SFSWAP: variants seen among roughly 807,000 people sequenced by gnomAD.
SFSWAP encodes the protein splicing factor, suppressor of white-apricot homolog.
A neutral mutation model predicts 100.7 loss-of-function variants in SFSWAP; 17 were observed. That is an observed-to-expected ratio of 0.17 (90% CI 0.12 to 0.25). SFSWAP has a LOEUF of 0.25. SFSWAP is among the 10% of genes least tolerant of loss of function. SFSWAP has a pLI of 1.00. For synonymous variants in SFSWAP, 504 were observed against 510.1 expected, an observed-to-expected ratio of 0.99 and a Z score of 0.16; for missense variants, 1,005 against 1,262.6, an observed-to-expected ratio of 0.80 and a Z score of 3.09.
chr12:131,786,662 C>T lies in SFSWAP; in HGVS notation c.2534+74C>T, dbSNP rs966992540. On this transcript the variant is annotated intron_variant, in intron 15 of 17. Coordinates refer to ENST00000261674, the MANE Select transcript of SFSWAP (RefSeq NM_004592.4). ...CTGGGTGGAAAGGGCGTCTGAAGGT[C>T]GGGTATCTGTGAGCAGAGCTGTGGA... 27 of 1,482,934 alleles carry T rather than the reference C, an allele frequency of 1.8e-5. No individual in the cohort carries two copies. In the African/African-American group the frequency reaches 3.6e-4, roughly 20 times the overall value. The allele number at this position is 1,482,934 out of a possible 1,614,324, so 91.9% of individuals were successfully genotyped here. A position where few individuals can be genotyped will look rare whatever the true frequency, so the allele number is the denominator to read the frequency against.
chr12:131,739,244 T>C (rs992134668), intron 7 of SFSWAP, among the ~76,000 whole-genome samples: 7 of 152,138 alleles, frequency 4.6e-5, no homozygotes, highest in Admixed American at 2.6e-4. Context: ...TCTTAGAAAA[T>C]AAACAGCTAG....
In SFSWAP at chr12:131,797,329, G is replaced by C. The variant is rs757283449; in HGVS notation, c.2686G>C (p.Glu896Gln). ...SAHSASVSPV[E>Q]SRGSSQERSR... The stretch of plus-strand genomic sequence containing the variant: ...GCACTCAGCCAGCGTCTCCCCTGTG[G>C]AGAGTCGGGGCTCCAGCCAGGAGCG... The change falls in exon 16 of 18, where the codon GAG becomes CAG. Residue 896 changes from glutamate (E) to glutamine (Q), a missense_variant. Glu to Gln is a conservative substitution (Grantham distance 29). Around this residue, in one of 7 missense-constraint regions of SFSWAP, gnomAD observed 295 missense variants for 347.9 expected, o/e 0.85. Coordinates refer to ENST00000261674, the MANE Select transcript of SFSWAP (RefSeq NM_004592.4). The C allele has an allele frequency of 3.1e-6, 5 of 1,610,460 alleles. No homozygotes were observed. In the Admixed American group the frequency reaches 8.4e-5, roughly 27 times the overall value.
chr12:131,788,741 A>G (rs1417351303), intron 15 of SFSWAP, among the ~76,000 whole-genome samples: 3 of 151,856 alleles, frequency 2.0e-5, no homozygotes, highest in Admixed American at 6.6e-5. Context: ...TCAACCTCCA[A>G]AAGTACTGGG....
Position 131,799,615 on chromosome 12 carries a change from G to T in SFSWAP, c.*127G>T. 2.9e-6 allele frequency: 2 copies of T among 688,806 alleles called. No individual in the cohort carries two copies. Among genetic ancestry groups the T allele is most frequent in the Non-Finnish European group, 2.5e-6 (1 of 403,130 alleles). 42.7% of individuals were successfully genotyped at this position (688,806 alleles called of 1,614,324 possible). ...TGGTGGCTTTTGTAAATTAATTTTT[G>T]ATGACATTTTGAGTTTTAAGATTTC... is the stretch of plus-strand genomic sequence containing the variant. On this transcript the variant is annotated 3_prime_UTR_variant, in exon 18 of 18. Coordinates refer to ENST00000261674, the MANE Select transcript of SFSWAP (RefSeq NM_004592.4).
chr12:131,726,334 C>T (rs1343905413), intron 5 of SFSWAP, among the ~76,000 whole-genome samples: 3 of 152,138 alleles, frequency 2.0e-5, no homozygotes, highest in Non-Finnish European at 4.4e-5. Flanking sequence ...CTCAGCCTCC[C>T]GAGTAGCTGG....
Position 131,756,660 on chromosome 12 carries a change from C to T in SFSWAP, c.1720+16C>T, listed in dbSNP as rs550998477. ...CTGGTGAAAGGTATGCTGCCACTTGCATGTTGGCCTTGCACATTCCACCAT... is the reference window on the plus strand; with the variant it reads ...CTGGTGAAAGGTATGCTGCCACTTGTATGTTGGCCTTGCACATTCCACCAT... On this transcript the variant is annotated intron_variant, in intron 11 of 17. Coordinates refer to ENST00000261674, the MANE Select transcript of SFSWAP (RefSeq NM_004592.4). 22 of 1,566,494 alleles carry T rather than the reference C, an allele frequency of 1.4e-5. No individual in the cohort carries two copies. The highest frequency in any genetic ancestry group is 1.9e-5 in the Admixed American group (1 of 53,510).
intron 7 of SFSWAP, among the ~76,000 whole-genome samples, chr12:131,747,444 A>G (rs1203514457): frequency 6.6e-6 from 1 of 152,232 alleles, no homozygotes; most frequent in Non-Finnish European, 1.5e-5. Flanking sequence ...TGGGACAGCA[A>G]TGGGACATGA....
At chr12:131,755,643 G>A (rs1236311373) in intron 10 of SFSWAP, among the ~76,000 whole-genome samples, 164 bp downstream of exon 10, 1 of 152,050 alleles carries the variant, frequency 6.6e-6, no homozygotes, top group Non-Finnish European at 1.5e-5. Flanking sequence ...GTCCCCCTTA[G>A]CTCTGGAACC....
Position 131,747,646 on chromosome 12 carries a change from A to G in SFSWAP, c.1082-5477A>G, listed in dbSNP as rs529588594. ...GCAGGAGGTGCTGCAGCTGGAGGGCAGGACTCAGAGCTGAATCATCGGGCG... is the reference window on the plus strand; with the variant it reads ...GCAGGAGGTGCTGCAGCTGGAGGGCGGGACTCAGAGCTGAATCATCGGGCG... On this transcript the variant is annotated intron_variant, in intron 7 of 17. Transcript: ENST00000261674. Among the ~76,000 whole-genome samples, 5 of 152,320 alleles carry G rather than the reference A, an allele frequency of 3.3e-5. No individual in the cohort carries two copies. The South Asian group carries it at 8.3e-4, about 25-fold the overall frequency.
chr12:131,720,846 T>C (rs1878407131), intron 4 of SFSWAP, among the ~76,000 whole-genome samples: 1 of 152,230 alleles, frequency 6.6e-6, no homozygotes. Context: ...AAATAACTTT[T>C]TGGATTTTGC....
rs559080586 is a variant in SFSWAP at position 131,776,978 on chromosome 12, G to A, written c.2143-1087G>A. ...GATTCATATGCTCTTCTGTATGTAT[G>A]TAACACTCAGATGGAGAGGTTTTAA... On this transcript the variant is annotated intron_variant, in intron 13 of 17. Transcript: ENST00000261674. 5.9e-5 allele frequency among the ~76,000 whole-genome samples: 9 copies of A among 152,268 alleles called. No homozygotes were observed. The South Asian group carries it at 1.7e-3, about 28-fold the overall frequency.
At chr12:131,716,230 C>T (rs1877901695) in intron 3 of SFSWAP, among the ~76,000 whole-genome samples, 1 of 152,158 alleles carries the variant, frequency 6.6e-6, no homozygotes, top group Non-Finnish European at 1.5e-5. Flanking sequence ...ATTACTGTTG[C>T]ACAGCTCTAT....
At position 131,786,595 on chromosome 12, in the gene SFSWAP, C is replaced by A; in HGVS notation, c.2534+7C>A. 6.3e-7 allele frequency: 1 copy of A among 1,588,324 alleles called. No individual in the cohort carries two copies. Among genetic ancestry groups the A allele is most frequent in the East Asian group, 2.3e-5 (1 of 43,998 alleles). ...GGAAGCGGACCCGCTCCAGGTAGGCCACTGGGTGTGCACGCAGGTGCTGGA... is the reference window on the plus strand; with the variant it reads ...GGAAGCGGACCCGCTCCAGGTAGGCAACTGGGTGTGCACGCAGGTGCTGGA... On this transcript the variant is annotated splice_region_variant and intron_variant, in intron 15 of 17. Coordinates refer to ENST00000261674, the MANE Select transcript of SFSWAP (RefSeq NM_004592.4).
intron 15 of SFSWAP, 135 bp from the exon 16 acceptor site, chr12:131,797,043 G>A (rs1885728201): frequency 2.8e-6 from 2 of 709,436 alleles, no homozygotes; most frequent in Non-Finnish European, 4.9e-6. Context: ...GAAGTTAATG[G>A]GTTTGGAGTG....
At chr12:131,786,623 T>C in intron 15 of SFSWAP, 35 bp downstream of exon 15, 1 of 1,567,238 alleles carries the variant, frequency 6.4e-7, no homozygotes, top group Non-Finnish European at 8.6e-7. Context: ...GTGCTGGATG[T>C]GGGCCAGGTT....
Position 131,754,389 on chromosome 12 carries a change from C to T in SFSWAP, c.1344C>T (p.Ala448=), listed in dbSNP as rs1196394341. Residue 448 remains alanine (A), a synonymous_variant, in exon 9 of 18, where the codon GCC becomes GCT. Coordinates refer to ENST00000261674, the MANE Select transcript of SFSWAP (RefSeq NM_004592.4). The part of the protein sequence containing the change: ...TTTSALAPVA[A]IIPPPPDVQP... ...GCAGTGCACTTGCCCCCGTGGCCGC[C>T]ATCATCCCCCCGCCCCCCGACGTCC... 5.0e-6 allele frequency: 8 copies of T among 1,586,198 alleles called. No individual in the cohort carries two copies. The highest frequency in any genetic ancestry group is 1.1e-5 in the South Asian group (1 of 87,434).
intron 7 of SFSWAP, among the ~76,000 whole-genome samples, chr12:131,737,004 G>A (rs766959843): frequency 3.9e-5 from 6 of 152,140 alleles, no homozygotes; most frequent in Non-Finnish European, 5.9e-5. Context: ...TCATTTACTA[G>A]TATATGGGTG....
chr12:131,756,052 T>C (rs1224360267), intron 10 of SFSWAP, among the ~76,000 whole-genome samples: 2 of 152,252 alleles, frequency 1.3e-5, no homozygotes, highest in Non-Finnish European at 1.5e-5. Flanking sequence ...AAAGCCAGTT[T>C]TGGTGAGGAG....
intron 11 of SFSWAP, among the ~76,000 whole-genome samples, chr12:131,761,144 C>T (rs1427078084): frequency 2.6e-5 from 4 of 152,162 alleles, no homozygotes; most frequent in Non-Finnish European, 4.4e-5. Context: ...ACACTTCTGC[C>T]TGGGAATCCA....
Sources: allele counts gnomAD v4.1 joint callset (sites outside exome capture counted in the v4.1 genomes callset), GRCh38; gene constraint gnomAD v4.1.1; regional missense constraint gnomAD v4.1.1; transcripts MANE v1.5; gene names NCBI Gene and HGNC (gene_info 2026-07-23, HGNC 2026-07-21).